The following SRRM1 variants were observed in gnomAD, a reference collection of about 807,000 sequenced individuals.
The protein encoded by SRRM1 is serine and arginine repetitive matrix 1.
SRRM1 carries 19 observed loss-of-function variants against 110.2 expected under a neutral mutation model. The ratio of observed to expected loss-of-function variants is 0.17; its 90% CI spans 0.12 to 0.25. The LOEUF (loss-of-function observed/expected upper bound fraction) is 0.25. SRRM1 is among the 10% of genes least tolerant of loss of function. The pLI is 1.00. For missense variants in SRRM1, 918 were observed against 1,145.8 expected, an observed-to-expected ratio of 0.80 and a Z score of 2.87; for synonymous variants, 443 against 414.9, an observed-to-expected ratio of 1.07 and a Z score of -0.82.
Position 24,669,475 on chromosome 1 carries a change from C to A in SRRM1, c.2092C>A (p.Pro698Thr), listed in dbSNP as rs189843262. 5 of 1,613,564 alleles carry A rather than the reference C, an allele frequency of 3.1e-6. No individual in the cohort carries two copies. Among genetic ancestry groups the A allele is most frequent in the Admixed American group, 3.3e-5 (2 of 59,906 alleles). ...PRAPQTSSSP[P>T]PVRRGASSSP... ...AGCTCCTCAGACCTCCTCAAGTCCTCCACCCGTTCGAAGAGGAGCGTCGTC... is the reference window on the plus strand; with the variant it reads ...AGCTCCTCAGACCTCCTCAAGTCCTACACCCGTTCGAAGAGGAGCGTCGTC... Residue 698 changes from proline to threonine, a missense_variant, in exon 14 of 17, where the codon CCA becomes ACA. Around this residue, in one of 5 missense-constraint regions of SRRM1, gnomAD observed 357 missense variants for 402.9 expected, o/e 0.89. Coordinates refer to ENST00000323848, the MANE Select transcript of SRRM1 (RefSeq NM_005839.4).
chr1:24,667,476 A>G (rs1670569066), intron 13 of SRRM1, among the ~76,000 whole-genome samples: 1 of 152,206 alleles, frequency 6.6e-6, no homozygotes, highest in African/African-American at 2.4e-5. Flanking sequence ...TCAATAAAAC[A>G]TTGGCATCGT....
chr1:24,646,625 A>T (rs746602065), intron 2 of SRRM1, 42 bp from the exon 3 acceptor site: 1 of 1,500,482 alleles, frequency 6.7e-7, no homozygotes, highest in African/African-American at 1.5e-5. Context: ...ATTTTTTTTT[A>T]GGATTGTGAA....
chr1:24,652,354 T>C, intron 6 of SRRM1, 80 bp from the exon 7 acceptor site: 1 of 1,038,344 alleles, frequency 9.6e-7, no homozygotes. Context: ...TTAGAAATAC[T>C]TTATTACATC....
chr1:24,650,078 C>T lies in SRRM1; in HGVS notation c.513C>T (p.Ser171=). 1.9e-6 allele frequency: 3 copies of T among 1,577,148 alleles called. No individual in the cohort carries two copies. The highest frequency in any genetic ancestry group is 2.6e-6 in the Non-Finnish European group (3 of 1,161,626). Residue 171 remains serine (S), a synonymous_variant, in exon 5 of 17, where the codon AGC becomes AGT. Coordinates refer to ENST00000323848, the MANE Select transcript of SRRM1 (RefSeq NM_005839.4). ...SSREKRERSR[S]PRRRKSRSPS... is the part of the protein sequence containing the mutation. ...GAGAAAAAAGGGAGCGGTCTCGTAG[C>T]CCAAGAAGGTATCATACAATAGATG...
chr1:24,656,439 T>C (rs1664140142), intron 9 of SRRM1, among the ~76,000 whole-genome samples: 1 of 152,204 alleles, frequency 6.6e-6, no homozygotes, highest in Admixed American at 6.5e-5. Flanking sequence ...CTAGTGAAAG[T>C]AGAGAAGCCT....
At chr1:24,667,018 G>A (rs1670347245) in intron 13 of SRRM1, 93 bp downstream of exon 13, 2 of 740,932 alleles carry the variant, frequency 2.7e-6, no homozygotes, top group Admixed American at 5.9e-5. Flanking sequence ...TCCTAACAAG[G>A]TTGGAGAGAG....
In SRRM1 at chr1:24,672,269, G is replaced by A. The variant is rs1381234980; in HGVS notation, c.2698G>A (p.Val900Met). Residue 900 changes from valine to methionine, a missense_variant, in exon 17 of 17, where the codon GTG becomes ATG. Val to Met is a conservative substitution (Grantham distance 21, BLOSUM62 1). Transcript: ENST00000323848. ...CCTGAGATCAATGAGGAAGGCCCAA[G>A]TGTCCCCACAGTCTTAGGGGGAAAT... is the stretch of plus-strand genomic sequence containing the variant. Reference protein sequence around the residue: ...KALRSMRKAQVSPQS With the variant: ...KALRSMRKAQMSPQS The A allele has an allele frequency of 6.2e-7, 1 of 1,605,978 alleles. No homozygotes were observed. The highest frequency in any genetic ancestry group is 8.5e-7 in the Non-Finnish European group (1 of 1,175,660).
chr1:24,653,478 T>C (rs1662228793), intron 8 of SRRM1, among the ~76,000 whole-genome samples: 1 of 152,206 alleles, frequency 6.6e-6, no homozygotes, highest in Admixed American at 6.5e-5. Context: ...ATTCTCATTA[T>C]AGAAGTAATG....
chr1:24,666,404 G>A (rs1352506064), intron 12 of SRRM1, among the ~76,000 whole-genome samples: 1 of 152,078 alleles, frequency 6.6e-6, no homozygotes, highest in Non-Finnish European at 1.5e-5. Context: ...TGCTGCCCTT[G>A]GGGTTAATGA....
intron 12 of SRRM1, 23 bp from the exon 13 acceptor site, chr1:24,666,792 A>T: frequency 1.3e-6 from 2 of 1,594,270 alleles, no homozygotes; most frequent in Non-Finnish European, 1.7e-6. Flanking sequence ...AAAAAAAATT[A>T]ACTATAATTC....
At chr1:24,670,472 A>C (rs953776854) in intron 15 of SRRM1, among the ~76,000 whole-genome samples, 157 bp downstream of exon 15, 1 of 152,188 alleles carries the variant, frequency 6.6e-6, no homozygotes, top group Non-Finnish European at 1.5e-5. Context: ...TCTGTATTGC[A>C]TAAAATCAGT....
intron 9 of SRRM1, among the ~76,000 whole-genome samples, chr1:24,657,950 C>CT (rs1444381906): frequency 6.6e-6 from 1 of 152,020 alleles, no homozygotes; most frequent in African/African-American, 2.4e-5. Flanking sequence ...TTGGGCAGGT[C>CT]TAAGATTAAT....
Position 24,643,492 on chromosome 1 carries a change from C to G in SRRM1, c.21+145C>G, listed in dbSNP as rs972689199. Reference sequence around the variant, plus strand: ...TCCTAGAGCCGGCGCACCCCCCCCCCCCCCGTGCGCTGCGGCGGAGACCGG... The same window carrying G: ...TCCTAGAGCCGGCGCACCCCCCCCCGCCCCGTGCGCTGCGGCGGAGACCGG... On this transcript the variant is annotated intron_variant, in intron 1 of 16. Transcript: ENST00000323848. The G allele has an allele frequency of 1.7e-4, 101 of 578,454 alleles. 2 individuals are homozygous for G. The highest frequency in any genetic ancestry group is 6.2e-4 in the African/African-American group (24 of 38,654). The allele number at this position is 578,454 out of a possible 1,614,324, so 35.8% of individuals were successfully genotyped here. A position where few individuals can be genotyped will look rare whatever the true frequency, so the allele number is the denominator to read the frequency against.
At position 24,648,845 on chromosome 1, in the gene SRRM1, G is replaced by T; in HGVS notation, c.235-14G>T. On this transcript the variant is annotated splice_polypyrimidine_tract_variant and intron_variant, in intron 3 of 16. Transcript: ENST00000323848. Reference sequence around the variant, plus strand: ...GAAGTAACCTGTTTTTCTTCCTGTCGTGTCTTTTTGCAGAATCCAGACTCC... The same window carrying T: ...GAAGTAACCTGTTTTTCTTCCTGTCTTGTCTTTTTGCAGAATCCAGACTCC... 8.7e-6 allele frequency: 14 copies of T among 1,605,438 alleles called. No individual in the cohort carries two copies. The highest frequency in any genetic ancestry group is 1.1e-5 in the South Asian group (1 of 90,382).
chr1:24,651,464 A>G lies in SRRM1; in HGVS notation c.577A>G (p.Arg193Gly). 6.2e-7 allele frequency: 1 copy of G among 1,614,150 alleles called. No homozygotes were observed. Among genetic ancestry groups the G allele is most frequent in the Non-Finnish European group, 8.5e-7 (1 of 1,180,020 alleles). ...RRRSSPVRRERKRSHSRSPRH... is the reference protein window; with the variant it reads ...RRRSSPVRREGKRSHSRSPRH... ...ACGATCTTCCCCTGTCAGGAGAGAGAGAAAGCGCAGTCATTCTCGATCTCC... is the reference window on the plus strand; with the variant it reads ...ACGATCTTCCCCTGTCAGGAGAGAGGGAAAGCGCAGTCATTCTCGATCTCC... The change falls in exon 6 of 17, where the codon AGA (arginine) becomes GGA (glycine). Residue 193 changes from arginine to glycine, a missense_variant. Arg to Gly is a moderately radical substitution (Grantham distance 125). This residue lies in a region of SRRM1 where 456 missense variants were observed against 453.5 expected (regional missense o/e 1.01). Coordinates refer to ENST00000323848, the MANE Select transcript of SRRM1 (RefSeq NM_005839.4).
rs1673248382 is a variant in SRRM1 at position 24,672,552 on chromosome 1, T to A, written c.*266T>A. ...AAAATTCCCTTTTTAAAAAAGGGGGTTTAAATACTGTTGGCATTTTTATGG... is the reference window on the plus strand; with the variant it reads ...AAAATTCCCTTTTTAAAAAAGGGGGATTAAATACTGTTGGCATTTTTATGG... On this transcript the variant is annotated 3_prime_UTR_variant, in exon 17 of 17. Coordinates refer to ENST00000323848, the MANE Select transcript of SRRM1 (RefSeq NM_005839.4). 1 of 204,658 alleles carries A rather than the reference T, an allele frequency of 4.9e-6. No homozygotes were observed. Among genetic ancestry groups the A allele is most frequent in the Non-Finnish European group, 9.8e-6 (1 of 101,758 alleles). The allele number at this position is 204,658 out of a possible 1,614,324, so 12.7% of individuals were successfully genotyped here.
intron 12 of SRRM1, 77 bp from the exon 13 acceptor site, chr1:24,666,738 C>T (rs1451660814): frequency 1.1e-5 from 13 of 1,175,984 alleles, no homozygotes; most frequent in Non-Finnish European, 1.6e-5. Context: ...GCACTCCAGC[C>T]TGGGCGACAG....
At chr1:24,654,452 T>C in intron 8 of SRRM1, 1 of 955,020 alleles carries the variant, frequency 1.0e-6, no homozygotes, top group South Asian at 1.5e-5. Context: ...CACATCTTTT[T>C]TAAAAATGCA....
At chr1:24,657,202 G>A (rs972757042) in intron 9 of SRRM1, among the ~76,000 whole-genome samples, 8 of 152,074 alleles carry the variant, frequency 5.3e-5, no homozygotes, top group South Asian at 4.1e-4. Flanking sequence ...CACCACACCC[G>A]GCCCAGACAA....
Sources: allele counts gnomAD v4.1 joint callset (sites outside exome capture counted in the v4.1 genomes callset), GRCh38; gene constraint gnomAD v4.1.1; regional missense constraint gnomAD v4.1.1; transcripts MANE v1.5; gene names NCBI Gene and HGNC (gene_info 2026-07-23, HGNC 2026-07-21).